Variants in APOOL observed in about 807,000 individuals in gnomAD.
APOOL encodes the protein MICOS complex subunit MIC27.
Under a neutral mutation model 23.1 loss-of-function variants are expected in APOOL, and 12 were observed. The ratio of observed to expected loss-of-function variants is 0.52; its 90% CI spans 0.33 to 0.84. The LOEUF (loss-of-function observed/expected upper bound fraction) is 0.84. APOOL is among the 40% of genes least tolerant of loss of function. The pLI is 0.02. For synonymous variants in APOOL, 77 were observed against 69.9 expected (o/e 1.10, Z -0.51); for missense variants, 212 against 199.6 (o/e 1.06, Z -0.37).
In APOOL at chrX:85,077,059, ACG is replaced by A. The variant is rs1377561112; in HGVS notation, c.718+2669_718+2670del. Among the ~76,000 whole-genome samples the A allele has an allele frequency of 1.0e-3, 72 of 71,909 alleles. 1 individual carries two copies. The highest frequency in any genetic ancestry group is 4.5e-3 in the African/African-American group (68 of 15,201). The allele number at this position is 71,909 out of a possible 115,157, so 62.4% of individuals were successfully genotyped here. ...TATATATATACGTATATGTATATAC[ACG>A]TATATATATATATACATATATATAT... is the stretch of plus-strand genomic sequence containing the variant. On this transcript the variant is annotated intron_variant, in intron 8 of 8. Transcript: ENST00000373173.
At position 85,088,252 on chromosome X, in the gene APOOL, T is replaced by C. The variant is rs1477103841; in HGVS notation, c.*574T>C. 4.0e-5 allele frequency: 3 copies of C among 75,149 alleles called. No individual in the cohort carries two copies. The highest frequency in any genetic ancestry group is 1.5e-4 in the Admixed American group (1 of 6,729). The allele number at this position is 75,149 out of a possible 1,213,427, so 6.2% of individuals were successfully genotyped here. ...TATACATATAAACATATATTTCTGC[T>C]CTAGCTTTCCCAGATTAATGCTAGT... is the stretch of plus-strand genomic sequence containing the variant. On this transcript the variant is annotated 3_prime_UTR_variant, in exon 9 of 9. Coordinates refer to ENST00000373173, the MANE Select transcript of APOOL (RefSeq NM_198450.6).
At chrX:85,032,768 A>G (rs1922084261) in intron 1 of APOOL, among the ~76,000 whole-genome samples, 1 of 111,654 alleles carries the variant, frequency 9.0e-6, no homozygotes, top group African/African-American at 3.3e-5. Flanking sequence ...AATATTGTAT[A>G]ATTTCATAAT....
At chrX:85,014,321 A>G (rs896425374) in intron 1 of APOOL, among the ~76,000 whole-genome samples, 13 of 111,257 alleles carry the variant, frequency 1.2e-4, no homozygotes, top group African/African-American at 3.9e-4. Context: ...TATCAGCGTT[A>G]GTATTGAGAT....
chrX:85,065,668 G>A (rs1248471319), intron 5 of APOOL, among the ~76,000 whole-genome samples: 1 of 110,843 alleles, frequency 9.0e-6, no homozygotes, highest in Non-Finnish European at 1.9e-5. Context: ...TTCTTATCAG[G>A]TAAAGAGAGG....
intron 6 of APOOL, among the ~76,000 whole-genome samples, chrX:85,069,856 G>A (rs1923604639): frequency 9.0e-6 from 1 of 110,600 alleles, no homozygotes; most frequent in East Asian, 2.8e-4. Context: ...TGTTATAATT[G>A]TCTTGCTCAC....
At chrX:85,016,306 A>G (rs1489576940) in intron 1 of APOOL, among the ~76,000 whole-genome samples, 1 of 106,400 alleles carries the variant, frequency 9.4e-6, no homozygotes, top group Non-Finnish European at 1.9e-5. Context: ...CCCAACCTTG[A>G]TGAGGGTTGC....
At chrX:85,071,540 C>A (rs1008833671) in intron 6 of APOOL, among the ~76,000 whole-genome samples, 3 of 110,005 alleles carry the variant, frequency 2.7e-5, no homozygotes, top group Non-Finnish European at 5.7e-5. Context: ...AGGTGGAATA[C>A]AGATCTAATC....
At chrX:85,025,901 C>T (rs1214438255) in intron 1 of APOOL, among the ~76,000 whole-genome samples, 2 of 112,511 alleles carry the variant, frequency 1.8e-5, no homozygotes, top group Non-Finnish European at 3.8e-5. Context: ...AGGTTGGTAT[C>T]CCCTTTCTCA....
intron 2 of APOOL, among the ~76,000 whole-genome samples, chrX:85,051,096 C>T (rs1025124184): frequency 2.7e-5 from 3 of 110,911 alleles, no homozygotes; most frequent in Non-Finnish European, 5.7e-5. Context: ...TTGCTGTGAA[C>T]GTTATTATAC....
chrX:85,078,932 A>G (rs1272186698), intron 8 of APOOL, among the ~76,000 whole-genome samples: 1 of 111,681 alleles, frequency 9.0e-6, no homozygotes, highest in Non-Finnish European at 1.9e-5. Context: ...ATTTTTGCAC[A>G]TTGATTTTGT....
In APOOL at chrX:85,063,074, G is replaced by A. The variant is rs182983767; in HGVS notation, c.395-4053G>A. 6.2e-3 allele frequency among the ~76,000 whole-genome samples: 687 copies of A among 110,848 alleles called. 5 individuals carry two copies. Among genetic ancestry groups the A allele is most frequent in the African/African-American group, 0.022 (662 of 30,611 alleles). Reference sequence around the variant, plus strand: ...TTTGTAGTTCTCCTTGAAGAAGTCCGTAACTTCCCGTTAGCTGTATTCCTA... The same window carrying A: ...TTTGTAGTTCTCCTTGAAGAAGTCCATAACTTCCCGTTAGCTGTATTCCTA... On this transcript the variant is annotated intron_variant, in intron 5 of 8. Coordinates refer to ENST00000373173, the MANE Select transcript of APOOL (RefSeq NM_198450.6).
chrX:85,083,253 A>T (rs1924176193), intron 8 of APOOL, among the ~76,000 whole-genome samples: 1 of 111,807 alleles, frequency 8.9e-6, no homozygotes, highest in African/African-American at 3.2e-5. Context: ...AAAAGAAAAA[A>T]TACATAAATA....
chrX:85,059,059 G>A (rs1420770947), intron 5 of APOOL, among the ~76,000 whole-genome samples: 1 of 79,394 alleles, frequency 1.3e-5, no homozygotes, highest in Non-Finnish European at 2.2e-5. Flanking sequence ...CCCAGAGTTT[G>A]ATGTTCCCCT....
intron 8 of APOOL, 55 bp downstream of exon 8, chrX:85,074,446 GCATTAT>G (rs1262983930): frequency 2.6e-6 from 3 of 1,139,608 alleles, no homozygotes; most frequent in Non-Finnish European, 3.6e-6. Context: ...TAATTTGATA[GCATTAT>G]CATTAGTGGT....
chrX:85,020,787 C>G (rs762204990), intron 1 of APOOL, among the ~76,000 whole-genome samples: 1 of 111,538 alleles, frequency 9.0e-6, no homozygotes, highest in African/African-American at 3.3e-5. Context: ...AGCCCCTTTA[C>G]CCCAGGTTCA....
rs1481287487 is a variant in APOOL at position 85,093,082 on chromosome X, G to A, written c.*5404G>A. On this transcript the variant is annotated 3_prime_UTR_variant, in exon 9 of 9. Transcript: ENST00000373173. ...GGTAGAAATTTGAAGTATATGTTGG[G>A]GTTATGTTCAAATGGTGAGATTAAT... is the stretch of plus-strand genomic sequence containing the variant. The A allele has an allele frequency of 1.3e-6, 1 of 787,307 alleles. No homozygotes were observed. The highest frequency in any genetic ancestry group is 3.5e-5 in the East Asian group (1 of 28,173). The allele number at this position is 787,307 out of a possible 1,213,427, so 64.9% of individuals were successfully genotyped here.
chrX:85,090,378 G>T lies in APOOL; in HGVS notation c.*2700G>T, dbSNP rs1393398216. 9.0e-6 allele frequency: 1 copy of T among 111,292 alleles called. No individual in the cohort carries two copies. 9.2% of individuals were successfully genotyped at this position (111,292 alleles called of 1,213,427 possible). On this transcript the variant is annotated 3_prime_UTR_variant, in exon 9 of 9. Coordinates refer to ENST00000373173, the MANE Select transcript of APOOL (RefSeq NM_198450.6). ...GCAAGGGGTAAGGGGTTGGGAACAGGTGCTGAATTAAAGCTAACATACAGT... is the reference window on the plus strand; with the variant it reads ...GCAAGGGGTAAGGGGTTGGGAACAGTTGCTGAATTAAAGCTAACATACAGT...
At chrX:85,058,925 G>A (rs1047650376) in intron 5 of APOOL, among the ~76,000 whole-genome samples, 11 of 109,308 alleles carry the variant, frequency 1.0e-4, no homozygotes, top group Admixed American at 8.8e-4. Flanking sequence ...TGTGCACAAC[G>A]TGCAGGTTTG....
Position 85,088,121 on chromosome X carries a change from AATAC to A in APOOL, c.*451_*454del, listed in dbSNP as rs758521411. ...ATACATATTTATACATATATGTATA[AATAC>A]ATACATATTTATACATATATGTATA... On this transcript the variant is annotated 3_prime_UTR_variant, in exon 9 of 9. Transcript: ENST00000373173. 3,635 of 14,044 alleles carry A rather than the reference AATAC, an allele frequency of 0.26. 47 individuals carry two copies. The highest frequency in any genetic ancestry group is 0.36 in the Middle Eastern group (5 of 14). The allele number at this position is 14,044 out of a possible 1,213,427, so 1.2% of individuals were successfully genotyped here.
Sources: allele counts gnomAD v4.1 joint callset (sites outside exome capture counted in the v4.1 genomes callset), GRCh38; gene constraint gnomAD v4.1.1; transcripts MANE v1.5; gene names NCBI Gene and HGNC (gene_info 2026-07-23, HGNC 2026-07-21).